BHMT: variants seen among roughly 807,000 people sequenced by gnomAD.
The protein encoded by BHMT is betaine--homocysteine S-methyltransferase.
A neutral mutation model predicts 49.5 loss-of-function variants in BHMT; 38 were observed. That is an observed-to-expected ratio of 0.77 (90% CI 0.59 to 1.01). BHMT has a LOEUF of 1.01. Among genes scored for constraint, BHMT ranks in the 50% least tolerant of loss-of-function variants. The probability of loss-of-function intolerance (pLI) is 0.00; values close to 1 mark genes in which losing one functional copy is unlikely to be tolerated. For missense variants in BHMT, 426 were observed against 495.7 expected (o/e 0.86, Z 1.34); for synonymous variants, 166 against 176.3 (o/e 0.94, Z 0.46).
At position 79,131,559 on chromosome 5, in the gene BHMT, TTA is replaced by T. The variant is rs1259942820; in HGVS notation, c.*448_*449del. The T allele has an allele frequency of 6.5e-6, 1 of 153,042 alleles. No homozygotes were observed. Among genetic ancestry groups the T allele is most frequent in the Non-Finnish European group, 1.5e-5 (1 of 68,676 alleles). 9.5% of individuals were successfully genotyped at this position (153,042 alleles called of 1,614,324 possible). Reference sequence around the variant, plus strand: ...CATGACCCTTAGTAACAAACACAATTTATATAATGACCCAGCAAAACACATCA... The same window carrying T: ...CATGACCCTTAGTAACAAACACAATTTATAATGACCCAGCAAAACACATCA... On this transcript the variant is annotated 3_prime_UTR_variant, in exon 8 of 8. Transcript: ENST00000274353.
chr5:79,118,353 G>A (rs1039271298), intron 2 of BHMT, among the ~76,000 whole-genome samples: 1 of 152,148 alleles, frequency 6.6e-6, no homozygotes, highest in African/African-American at 2.4e-5. Flanking sequence ...TGTAGTCCCA[G>A]CTACTTGGAA....
intron 6 of BHMT, 105 bp downstream of exon 6, chr5:79,126,333 T>A (rs1029161716): frequency 4.8e-5 from 63 of 1,325,492 alleles, no homozygotes; most frequent in Non-Finnish European, 6.0e-5. Flanking sequence ...AAGAGATGGC[T>A]TGGTGTCTCC....
Position 79,121,204 on chromosome 5 carries a change from T to C in BHMT, c.478-14T>C, listed in dbSNP as rs576758141. 30 of 1,613,370 alleles carry C rather than the reference T, an allele frequency of 1.9e-5. No individual in the cohort carries two copies. In the African/African-American group the frequency reaches 4.0e-4, roughly 22 times the overall value. The stretch of plus-strand genomic sequence containing the variant: ...AAACGAGATTAAAAGTACTCTAACC[T>C]TAACTGATTCCAGTATTTTGAACAC... On this transcript the variant is annotated splice_polypyrimidine_tract_variant and intron_variant, in intron 4 of 7. Transcript: ENST00000274353.
At chr5:79,116,903 G>T (rs2112723713) in intron 2 of BHMT, among the ~76,000 whole-genome samples, 1 of 152,246 alleles carries the variant, frequency 6.6e-6, no homozygotes, top group African/African-American at 2.4e-5. Context: ...TAGGTGAAAG[G>T]ATACTCAAAT....
intron 5 of BHMT, among the ~76,000 whole-genome samples, chr5:79,124,024 C>G (rs942751789): frequency 6.6e-6 from 1 of 151,990 alleles, no homozygotes; most frequent in Non-Finnish European, 1.5e-5. Flanking sequence ...GCTAAGTAAA[C>G]TAAGCCACTC....
rs758406220 is a variant in BHMT, at chr5:79,127,963, C to T, written c.1017C>T (p.Thr339=). 95 of 1,613,296 alleles carry T rather than the reference C, an allele frequency of 5.9e-5. 1 individual carries two copies. Among genetic ancestry groups the T allele is most frequent in the Admixed American group, 6.7e-5 (4 of 59,864 alleles). The change falls in exon 7 of 8, where the codon ACC becomes ACT. Residue 339 remains threonine (T), a synonymous_variant. Transcript: ENST00000274353. ...GGGGAAGTGGTTTGGACATGCACAC[C>T]AAACCCTGGGTTAGAGCAAGGTAAG... The part of the protein sequence containing the change: ...GSWGSGLDMH[T]KPWVRARARK...
At chr5:79,121,137 C>T in intron 4 of BHMT, 81 bp from the exon 5 acceptor site, 2 of 1,528,832 alleles carry the variant, frequency 1.3e-6, no homozygotes, top group Middle Eastern at 1.8e-4. Flanking sequence ...GGTGAAAGAG[C>T]AAAACTCCGT....
rs750556541 is a variant in BHMT, at chr5:79,120,553, T to A, written c.477+12T>A. The A allele has an allele frequency of 1.2e-6, 2 of 1,601,648 alleles. No individual in the cohort carries two copies. The highest frequency in any genetic ancestry group is 1.7e-6 in the Non-Finnish European group (2 of 1,175,366). ...TCTTGATTGCAGAGGTAAAGAAAGA[T>A]GTGGTGAAAGATAAGACAAATACAC... On this transcript the variant is annotated intron_variant, in intron 4 of 7. Transcript: ENST00000274353.
At chr5:79,120,265 A>G in intron 3 of BHMT, 85 bp from the exon 4 acceptor site, 1 of 1,268,304 alleles carries the variant, frequency 7.9e-7, no homozygotes, top group Non-Finnish European at 1.1e-6. Flanking sequence ...TTGTAAATAT[A>G]CAACTAAGAT....
At chr5:79,129,492 G>C (rs942490585) in intron 7 of BHMT, among the ~76,000 whole-genome samples, 3 of 152,224 alleles carry the variant, frequency 2.0e-5, no homozygotes, top group South Asian at 2.1e-4. Context: ...ACACCTCCCA[G>C]GAGGAGGAGG....
Position 79,121,298 on chromosome 5 carries a change from C to T in BHMT, c.558C>T (p.Cys186=). 3.1e-6 allele frequency: 5 copies of T among 1,614,184 alleles called. No individual in the cohort carries two copies. Among genetic ancestry groups the T allele is most frequent in the Non-Finnish European group, 4.2e-6 (5 of 1,180,036 alleles). ...GTAAACCTGTGGCAGCAACCATGTG[C>T]ATTGGCCCAGAAGGAGATTTGCATG... ...ASGKPVAATM[C]IGPEGDLHGV... is the part of the protein sequence containing the mutation. The change falls in exon 5 of 8, where the codon TGC becomes TGT. Residue 186 remains cysteine, a synonymous_variant. Transcript: ENST00000274353.
At chr5:79,121,099 CG>C (rs2112726980) in intron 4 of BHMT, 118 bp from the exon 5 acceptor site, 1 of 1,271,206 alleles carries the variant, frequency 7.9e-7, no homozygotes, top group African/African-American at 1.5e-5. Flanking sequence ...TGCAGTGAGC[CG>C]AAATCGCACC....
intron 4 of BHMT, 140 bp downstream of exon 4, chr5:79,120,681 A>G (rs1274529607): frequency 1.2e-6 from 1 of 815,100 alleles, no homozygotes; most frequent in East Asian, 3.1e-5. Flanking sequence ...TCGTTTTCCA[A>G]TTCAGGGCTA....
intron 5 of BHMT, among the ~76,000 whole-genome samples, chr5:79,124,549 C>T (rs946588738): frequency 2.6e-5 from 4 of 151,832 alleles, no homozygotes; most frequent in Non-Finnish European, 4.4e-5. Flanking sequence ...TGTCATAATG[C>T]CTTCTCAAAT....
At chr5:79,115,089 G>C (rs1214465759) in intron 1 of BHMT, among the ~76,000 whole-genome samples, 1 of 152,124 alleles carries the variant, frequency 6.6e-6, no homozygotes, top group Non-Finnish European at 1.5e-5. Context: ...GTATAGCATA[G>C]CTACTGTTGT....
At chr5:79,119,570 G>A (rs1580270519) in intron 3 of BHMT, 193 bp downstream of exon 3, 2 of 467,210 alleles carry the variant, frequency 4.3e-6, no homozygotes, top group East Asian at 6.9e-5. Flanking sequence ...GAGGCATTTA[G>A]CGAAGCAGAT....
At chr5:79,121,496 TG>T in intron 5 of BHMT, 131 bp downstream of exon 5, 1 of 1,284,198 alleles carries the variant, frequency 7.8e-7, no homozygotes, top group Non-Finnish European at 1.0e-6. Flanking sequence ...GTAAGAATAT[TG>T]ATATTATTGA....
chr5:79,116,038 G>A lies in BHMT; in HGVS notation c.166+139G>A, dbSNP rs1306657862. 3 of 1,094,296 alleles carry A rather than the reference G, an allele frequency of 2.7e-6. No homozygotes were observed. The African/African-American group carries it at 4.9e-5, about 18-fold the overall frequency. The allele number at this position is 1,094,296 out of a possible 1,614,324, so 67.8% of individuals were successfully genotyped here. A position where few individuals can be genotyped will look rare whatever the true frequency, so the allele number is the denominator to read the frequency against. On this transcript the variant is annotated intron_variant, in intron 2 of 7. Transcript: ENST00000274353. The stretch of plus-strand genomic sequence containing the variant: ...TTCAAGACCAGCCTGGGCACATAGG[G>A]AGACCTAGTCTCTCAGAAGTTTTTT...
intron 1 of BHMT, among the ~76,000 whole-genome samples, chr5:79,115,241 G>C (rs192617761): frequency 6.6e-6 from 1 of 151,926 alleles, no homozygotes; most frequent in Non-Finnish European, 1.5e-5. Flanking sequence ...GGTGAGACTG[G>C]AGGATCTTCT....
Sources: allele counts gnomAD v4.1 joint callset (sites outside exome capture counted in the v4.1 genomes callset), GRCh38; gene constraint gnomAD v4.1.1; transcripts MANE v1.5; gene names NCBI Gene and HGNC (gene_info 2026-07-23, HGNC 2026-07-21).